Variants in ENOX1 observed in about 807,000 individuals in gnomAD.
ENOX1 encodes the protein ecto-NOX disulfide-thiol exchanger 1, also known as candidate growth-related and time keeping constitutive hydroquinone (NADH) oxidase.
In ENOX1, 42 loss-of-function variants were observed where a neutral mutation model predicts 82.5. The ratio of observed to expected loss-of-function variants is 0.51; its 90% confidence interval spans 0.40 to 0.66. ENOX1 has a LOEUF of 0.66. ENOX1 is among the 30% of genes least tolerant of loss of function. The pLI is 0.00. For synonymous variants in ENOX1, 271 were observed against 282.2 expected (o/e 0.96, Z 0.40); for missense variants, 608 against 811.6 (o/e 0.75, Z 3.05).
chr13:43,271,224 C>T (rs2044660052), intron 12 of ENOX1, among the ~76,000 whole-genome samples: 1 of 152,176 alleles, frequency 6.6e-6, no homozygotes, highest in Non-Finnish European at 1.5e-5. Context: ...CCAAAAATAA[C>T]TGATGTCCAG....
At position 43,771,957 on chromosome 13, in the gene ENOX1, T is replaced by G. The variant is rs997577952; in HGVS notation, c.-285+14695A>C. Among the ~76,000 whole-genome samples the G allele has an allele frequency of 1.8e-3, 171 of 97,442 alleles. 2 individuals are homozygous for G. In the East Asian group the frequency reaches 0.04, roughly 23 times the overall value. 63.9% of individuals were successfully genotyped at this position (97,442 alleles called of 152,430 possible). ...AATTTTTTTTTTTTTTTTTTTTTTT[T>G]GTATTTTTAGTAGAGATGGGGTTTC... On this transcript the variant is annotated intron_variant, in intron 1 of 16. Coordinates refer to ENST00000690772, the MANE Select transcript of ENOX1 (RefSeq NM_001347969.2).
intron 9 of ENOX1, among the ~76,000 whole-genome samples, chr13:43,328,323 C>T (rs1189181266): frequency 6.6e-6 from 1 of 152,172 alleles, no homozygotes; most frequent in African/African-American, 2.4e-5. Flanking sequence ...CAACACAGAA[C>T]AGTCAGCCCC....
intron 1 of ENOX1, among the ~76,000 whole-genome samples, chr13:43,682,626 C>T (rs1440171646): frequency 2.6e-5 from 4 of 151,898 alleles, no homozygotes; most frequent in African/African-American, 9.7e-5. Flanking sequence ...AAAAAAATTG[C>T]AAAAATTAAA....
chr13:43,662,108 G>A (rs1171022392), intron 2 of ENOX1, among the ~76,000 whole-genome samples: 1 of 152,120 alleles, frequency 6.6e-6, no homozygotes, highest in African/African-American at 2.4e-5. Context: ...AAGGCATTAA[G>A]AGAACAAGGT....
chr13:43,594,098 T>C (rs1217072471), intron 2 of ENOX1, among the ~76,000 whole-genome samples: 1 of 152,180 alleles, frequency 6.6e-6, no homozygotes, highest in African/African-American at 2.4e-5. Flanking sequence ...ATACTTCCCT[T>C]CTAATATCTC....
At chr13:43,258,320 T>G (rs899484626) in intron 14 of ENOX1, among the ~76,000 whole-genome samples, 1 of 152,160 alleles carries the variant, frequency 6.6e-6, no homozygotes, top group Admixed American at 6.5e-5. Context: ...CATGTGTGGA[T>G]TTTTTCAGTT....
Position 43,346,031 on chromosome 13 carries a change from A to G in ENOX1, c.824-1281T>C, listed in dbSNP as rs796388999. On this transcript the variant is annotated intron_variant, in intron 8 of 16. Coordinates refer to ENST00000690772, the MANE Select transcript of ENOX1 (RefSeq NM_001347969.2). The stretch of plus-strand genomic sequence containing the variant: ...TTGAGAAAAAGATTTCGTTTCACTC[A>G]CCAGATTTTAAAATCAATCATTGAG... Among the ~76,000 whole-genome samples the G allele has an allele frequency of 5.0e-4, 76 of 152,314 alleles. 1 individual carries two copies. The highest frequency in any genetic ancestry group is 1.8e-3 in the African/African-American group (75 of 41,562).
At chr13:43,427,024 C>G (rs570153123) in intron 3 of ENOX1, among the ~76,000 whole-genome samples, 1 of 152,266 alleles carries the variant, frequency 6.6e-6, no homozygotes, top group East Asian at 1.9e-4. Context: ...ATCCTTTTCT[C>G]TAGGGATAAA....
rs866397247 is a variant in ENOX1, at chr13:43,251,084, C to T, written c.1611+14314G>A. Among the ~76,000 whole-genome samples, 5 of 151,402 alleles carry T rather than the reference C, an allele frequency of 3.3e-5. No homozygotes were observed. The South Asian group carries it at 6.3e-4, about 19-fold the overall frequency. On this transcript the variant is annotated intron_variant, in intron 14 of 16. Coordinates refer to ENST00000690772, the MANE Select transcript of ENOX1 (RefSeq NM_001347969.2). ...GTGTTTTAAAAAGCTATCTTTGATTCGATTGCTTATTAAAGTTCGAGAAGC... is the reference window on the plus strand; with the variant it reads ...GTGTTTTAAAAAGCTATCTTTGATTTGATTGCTTATTAAAGTTCGAGAAGC...
chr13:43,527,206 A>G (rs1468726193), intron 2 of ENOX1, among the ~76,000 whole-genome samples: 1 of 152,230 alleles, frequency 6.6e-6, no homozygotes, highest in African/African-American at 2.4e-5. Flanking sequence ...AGATCCACGC[A>G]TAAGGGTGCC....
chr13:43,405,560 G>A (rs2053743436), intron 5 of ENOX1, among the ~76,000 whole-genome samples: 1 of 152,146 alleles, frequency 6.6e-6, no homozygotes, highest in Non-Finnish European at 1.5e-5. Context: ...CTAAGCAAAT[G>A]GCTCTATGGT....
intron 8 of ENOX1, among the ~76,000 whole-genome samples, chr13:43,354,911 T>G (rs1033146949): frequency 3.3e-5 from 5 of 152,248 alleles, no homozygotes; most frequent in African/African-American, 1.2e-4. Flanking sequence ...GCCTCCTCTA[T>G]AAAGACTTTC....
At chr13:43,358,568 C>T (rs544069795) in intron 7 of ENOX1, among the ~76,000 whole-genome samples, 140 of 152,226 alleles carry the variant, frequency 9.2e-4, no homozygotes, top group South Asian at 5.0e-3. Flanking sequence ...TAGAAAAATC[C>T]GTCCTTCTTT....
intron 2 of ENOX1, among the ~76,000 whole-genome samples, chr13:43,599,063 G>A (rs1030626342): frequency 2.6e-5 from 4 of 152,138 alleles, no homozygotes; most frequent in Admixed American, 1.3e-4. Flanking sequence ...GTGCAGGTGG[G>A]AGAGTCTGTG....
At chr13:43,487,392 T>C (rs1490137183) in intron 2 of ENOX1, among the ~76,000 whole-genome samples, 2 of 152,130 alleles carry the variant, frequency 1.3e-5, no homozygotes, top group Non-Finnish European at 2.9e-5. Context: ...AATTCTATTA[T>C]AATTGAAAAG....
At chr13:43,269,740 G>C (rs2044580348) in intron 12 of ENOX1, among the ~76,000 whole-genome samples, 163 bp from the exon 13 acceptor site, 2 of 152,090 alleles carry the variant, frequency 1.3e-5, no homozygotes, top group Non-Finnish European at 2.9e-5. Context: ...AAGTATCAAG[G>C]GCATTGCAGT....
At chr13:43,608,199 T>C (rs2082052639) in intron 2 of ENOX1, among the ~76,000 whole-genome samples, 1 of 152,224 alleles carries the variant, frequency 6.6e-6, no homozygotes, top group East Asian at 1.9e-4. Flanking sequence ...GGTACGAGCA[T>C]GGGGAGGGCA....
chr13:43,248,337 T>C (rs970385224), intron 14 of ENOX1, among the ~76,000 whole-genome samples: 1 of 152,080 alleles, frequency 6.6e-6, no homozygotes, highest in African/African-American at 2.4e-5. Context: ...TGGAGTCAGC[T>C]AGAAGTCTAT....
intron 2 of ENOX1, among the ~76,000 whole-genome samples, chr13:43,548,581 A>G (rs564197968): frequency 6.6e-6 from 1 of 152,336 alleles, no homozygotes; most frequent in African/African-American, 2.4e-5. Context: ...ATAAAACACA[A>G]CGAAACTTCT....
Sources: gnomAD v4.1 joint callset for allele counts (sites outside exome capture counted in the v4.1 genomes callset) on GRCh38, gnomAD v4.1.1 for gene constraint, MANE v1.5 for transcripts, NCBI Gene and HGNC (gene_info 2026-07-23, HGNC 2026-07-21) for gene names.